The following PLCH1 variants were observed in gnomAD, a reference collection of about 807,000 sequenced individuals.
The protein encoded by PLCH1 is 1-phosphatidylinositol 4,5-bisphosphate phosphodiesterase eta-1.
PLCH1 carries 60 observed loss-of-function variants against 126.7 expected under a neutral mutation model. The ratio of observed to expected loss-of-function variants is 0.47; its 90% CI spans 0.38 to 0.59. The LOEUF is 0.59. Ranked by LOEUF, PLCH1 falls within the 20% of genes least tolerant of loss-of-function variation. The pLI, the probability that PLCH1 is intolerant of heterozygous loss-of-function variation, is 0.00. For missense variants in PLCH1, 1,723 were observed against 2,040.0 expected (o/e 0.84, Z 2.99); for synonymous variants, 719 against 734.9 (o/e 0.98, Z 0.35).
At position 155,723,683 on chromosome 3, in the gene PLCH1, T is replaced by C. The variant is rs920782814; in HGVS notation, c.-40-19419A>G. 1.1e-4 allele frequency among the ~76,000 whole-genome samples: 17 copies of C among 152,268 alleles called. 1 individual carries two copies. Among genetic ancestry groups the C allele is most frequent in the African/African-American group, 4.1e-4 (17 of 41,556 alleles). On this transcript the variant is annotated intron_variant, in intron 1 of 22. Coordinates refer to ENST00000460012, the MANE Select transcript of PLCH1 (RefSeq NM_014996.4). ...TTTAATTGCCATCTTGGACCAAGCA[T>C]GGTGGCTCATGCTTAAAATCCCAGC...
At chr3:155,725,450 A>C (rs1038029996) in intron 1 of PLCH1, among the ~76,000 whole-genome samples, 5 of 109,992 alleles carry the variant, frequency 4.5e-5, no homozygotes, top group East Asian at 3.3e-4. Context: ...TATTTTAGAC[A>C]CTTTTTTTTT....
At chr3:155,453,147 T>C (rs756249931) in intron 21 of PLCH1, among the ~76,000 whole-genome samples, 11 of 152,144 alleles carry the variant, frequency 7.2e-5, no homozygotes, top group Non-Finnish European at 1.2e-4. Context: ...CAACAAGGCA[T>C]AATCTGAATT....
chr3:155,663,018 T>C (rs1192858925), intron 2 of PLCH1, among the ~76,000 whole-genome samples: 1 of 152,202 alleles, frequency 6.6e-6, no homozygotes, highest in African/African-American at 2.4e-5. Context: ...TAAAAAAGTA[T>C]TAAATCTTTT....
intron 2 of PLCH1, among the ~76,000 whole-genome samples, chr3:155,642,787 G>T (rs1371177111): frequency 6.6e-6 from 1 of 152,156 alleles, no homozygotes; most frequent in Non-Finnish European, 1.5e-5. Context: ...TATTTGTGAA[G>T]TCTTGAACTT....
chr3:155,739,405 C>T (rs1201743711), intron 1 of PLCH1, among the ~76,000 whole-genome samples: 4 of 152,156 alleles, frequency 2.6e-5, no homozygotes, highest in African/African-American at 4.8e-5. Flanking sequence ...GGTAAGTGAG[C>T]AAGTCGATGT....
intron 14 of PLCH1, among the ~76,000 whole-genome samples, chr3:155,499,931 A>T (rs1411610380): frequency 1.6e-4 from 25 of 152,324 alleles, no homozygotes; most frequent in South Asian, 4.1e-4. Flanking sequence ...ATAAAGTTTA[A>T]TTGAACACTA....
chr3:155,635,663 T>C (rs1198098628), intron 2 of PLCH1, among the ~76,000 whole-genome samples: 1 of 152,238 alleles, frequency 6.6e-6, no homozygotes, highest in East Asian at 1.9e-4. Context: ...TTCCTTCTAG[T>C]AGTCTTTTTG....
intron 2 of PLCH1, among the ~76,000 whole-genome samples, chr3:155,643,764 T>A (rs987507512): frequency 6.6e-6 from 1 of 152,190 alleles, no homozygotes; most frequent in Non-Finnish European, 1.5e-5. Flanking sequence ...TCCCAGTGTA[T>A]CCAACAGTAC....
intron 8 of PLCH1, among the ~76,000 whole-genome samples, chr3:155,563,791 A>G (rs17346518): frequency 0.051 from 7,703 of 152,020 alleles, 240 homozygotes; most frequent in Middle Eastern, 0.1. Flanking sequence ...AGCACTCAAA[A>G]CCCTTTACAG....
intron 18 of PLCH1, among the ~76,000 whole-genome samples, chr3:155,491,082 G>A (rs973108244): frequency 4.6e-5 from 7 of 152,046 alleles, no homozygotes; most frequent in African/African-American, 1.2e-4. Flanking sequence ...ATTTATTAAC[G>A]CCAACAACTT....
In PLCH1 at chr3:155,481,398, G is replaced by A. The variant is rs773257653; in HGVS notation, c.4628C>T (p.Ser1543Phe). ...TTGGCAGTTGTCTTCCTGGTCAAAG[G>A]ACACAAGCTTCCGAAGCTGCTCGGT... is the stretch of plus-strand genomic sequence containing the variant. ...ALTEQLRKLVSFDQEDNCQVL... is the reference protein window; with the variant it reads ...ALTEQLRKLVFFDQEDNCQVL... The change falls in exon 23 of 23, where the codon TCC becomes TTC. Residue 1543 changes from serine (S) to phenylalanine (F), a missense_variant. Physicochemically the swap from Ser to Phe is radical, Grantham distance 155. Transcript: ENST00000460012. The surrounding 1 kb of genome is among the most constrained non-coding windows in gnomAD (Gnocchi z 4.2). The A allele has an allele frequency of 6.2e-7, 1 of 1,614,208 alleles. No individual in the cohort carries two copies. Among genetic ancestry groups the A allele is most frequent in the South Asian group, 1.1e-5 (1 of 91,076 alleles).
At chr3:155,499,624 T>C (rs1717593737) in intron 14 of PLCH1, among the ~76,000 whole-genome samples, 1 of 152,172 alleles carries the variant, frequency 6.6e-6, no homozygotes, top group Admixed American at 6.5e-5. Flanking sequence ...GCATGCAAAA[T>C]GATTTCATGT....
intron 2 of PLCH1, among the ~76,000 whole-genome samples, chr3:155,687,990 A>G (rs770885972): frequency 3.0e-4 from 46 of 152,318 alleles, no homozygotes; most frequent in Middle Eastern, 3.4e-3. Context: ...TCCTTACTGG[A>G]TCTAAATGCT....
At position 155,563,177 on chromosome 3, in the gene PLCH1, C is replaced by T. The variant is rs149241056; in HGVS notation, c.1069+1738G>A. On this transcript the variant is annotated intron_variant, in intron 8 of 22. Coordinates refer to ENST00000460012, the MANE Select transcript of PLCH1 (RefSeq NM_014996.4). The stretch of plus-strand genomic sequence containing the variant: ...TATTGCTGAAGTCCTCAGGCCTCTT[C>T]CTCTTTTCCCCTTCTCTCTGTAAGT... Among the ~76,000 whole-genome samples the T allele has an allele frequency of 4.2e-3, 636 of 152,220 alleles. 1 individual carries two copies. Among genetic ancestry groups the T allele is most frequent in the Admixed American group, 7.0e-3 (107 of 15,274 alleles).
At chr3:155,550,225 T>C (rs1346506661) in intron 9 of PLCH1, among the ~76,000 whole-genome samples, 1 of 152,142 alleles carries the variant, frequency 6.6e-6, no homozygotes, top group African/African-American at 2.4e-5. Flanking sequence ...CAGGAAACAA[T>C]GGTAGATATA....
At chr3:155,578,649 G>T (rs576177050) in intron 6 of PLCH1, among the ~76,000 whole-genome samples, 208 of 152,310 alleles carry the variant, frequency 1.4e-3, no homozygotes, top group African/African-American at 4.9e-3. Context: ...AAGACCAAAT[G>T]TATGTTTTAT....
At chr3:155,461,766 C>T (rs574492268) in intron 21 of PLCH1, among the ~76,000 whole-genome samples, 64 of 152,296 alleles carry the variant, frequency 4.2e-4, no homozygotes, top group African/African-American at 1.5e-3. Context: ...AGCACAGCCA[C>T]AAGGAGGCTC....
intron 21 of PLCH1, among the ~76,000 whole-genome samples, chr3:155,455,966 G>A (rs1055987168): frequency 1.1e-4 from 16 of 152,286 alleles, no homozygotes; most frequent in Admixed American, 6.5e-4. Flanking sequence ...GAACATGCAC[G>A]CCCATTCATG....
At chr3:155,587,713 A>T (rs1731567178) in intron 4 of PLCH1, among the ~76,000 whole-genome samples, 3 of 152,238 alleles carry the variant, frequency 2.0e-5, no homozygotes, top group Non-Finnish European at 4.4e-5. Context: ...CTGAAATTTT[A>T]AAAGATCCTC....
Sources: allele counts gnomAD v4.1 joint callset (sites outside exome capture counted in the v4.1 genomes callset), GRCh38; gene constraint gnomAD v4.1.1; non-coding constraint Gnocchi (gnomAD v3.1); transcripts MANE v1.5; gene names NCBI Gene and HGNC (gene_info 2026-07-23, HGNC 2026-07-21).